The following EPYC variants were observed in gnomAD, a reference collection of about 807,000 sequenced individuals.
The protein encoded by EPYC is dermatan sulfate proteoglycan 3.
EPYC carries 28 observed loss-of-function variants against 30.1 expected under a neutral mutation model. The observed-to-expected ratio is 0.93, with a 90% confidence interval of 0.69 to 1.28. The LOEUF (loss-of-function observed/expected upper bound fraction) is 1.28, where lower values mean the gene tolerates loss of function less well. Ranked by LOEUF, EPYC falls within the 50% of genes most tolerant of loss-of-function variation. EPYC has a pLI of 0.00. For missense variants in EPYC, 382 were observed against 383.5 expected, an observed-to-expected ratio of 1.00 and a Z score of 0.03; for synonymous variants, 144 against 141.4, an observed-to-expected ratio of 1.02 and a Z score of -0.13.
In EPYC at chr12:90,971,793, A is replaced by C. The variant is rs368409503; in HGVS notation, c.702+7T>G. On this transcript the variant is annotated splice_region_variant and intron_variant, in intron 5 of 6. Coordinates refer to ENST00000261172, the MANE Select transcript of EPYC (RefSeq NM_004950.5). ...ATAAAAGTCTGCATATCAAACTTAA[A>C]ACTTACTTTAAATGCTTCTTGCTTT... The C allele has an allele frequency of 6.4e-7, 1 of 1,555,538 alleles. No individual in the cohort carries two copies. The highest frequency in any genetic ancestry group is 8.7e-7 in the Non-Finnish European group (1 of 1,151,676).
intron 2 of EPYC, among the ~76,000 whole-genome samples, chr12:90,998,662 A>C (rs1242347482): frequency 3.9e-5 from 6 of 152,286 alleles, no homozygotes; most frequent in African/African-American, 1.2e-4. Context: ...ACAGTGGAAT[A>C]ATTCAAATTT....
intron 2 of EPYC, among the ~76,000 whole-genome samples, chr12:91,001,659 T>A (rs1877825081): frequency 6.6e-6 from 1 of 152,158 alleles, no homozygotes; most frequent in African/African-American, 2.4e-5. Context: ...ACTGTTGAGC[T>A]ACAGTGGAGT....
intron 1 of EPYC, among the ~76,000 whole-genome samples, chr12:91,002,927 G>A (rs189227128): frequency 6.6e-6 from 1 of 151,960 alleles, no homozygotes; most frequent in Admixed American, 6.6e-5. Flanking sequence ...TCAACTCTGG[G>A]ATATGAAGTT....
chr12:90,997,359 A>G (rs952255886), intron 2 of EPYC, among the ~76,000 whole-genome samples: 6 of 151,840 alleles, frequency 4.0e-5, no homozygotes, highest in African/African-American at 1.2e-4. Flanking sequence ...ATTTTACTGG[A>G]TGAGTGGATG....
At chr12:90,999,607 C>A (rs534796585) in intron 2 of EPYC, among the ~76,000 whole-genome samples, 6 of 152,050 alleles carry the variant, frequency 3.9e-5, no homozygotes, top group African/African-American at 1.4e-4. Context: ...CAGAATGTTT[C>A]ATATGAAATC....
At chr12:90,987,528 G>A (rs986146010) in intron 2 of EPYC, among the ~76,000 whole-genome samples, 4 of 152,260 alleles carry the variant, frequency 2.6e-5, no homozygotes, top group East Asian at 3.9e-4. Context: ...AAGCAGGTAT[G>A]AAAATACATT....
At chr12:90,981,321 G>A (rs1239404648) in intron 2 of EPYC, among the ~76,000 whole-genome samples, 1 of 152,096 alleles carries the variant, frequency 6.6e-6, no homozygotes, top group Non-Finnish European at 1.5e-5. Context: ...ACCCTGAAGT[G>A]TCTCAGACTA....
At chr12:90,967,409 A>T (rs953692984) in intron 6 of EPYC, among the ~76,000 whole-genome samples, 2 of 151,940 alleles carry the variant, frequency 1.3e-5, no homozygotes, top group Non-Finnish European at 2.9e-5. Context: ...TGAATTTCTT[A>T]AATTTTATTT....
intron 2 of EPYC, among the ~76,000 whole-genome samples, chr12:91,001,806 T>G (rs956566633): frequency 6.6e-6 from 1 of 152,134 alleles, no homozygotes; most frequent in African/African-American, 2.4e-5. Context: ...ATTGACTTTT[T>G]CTAATTTTCT....
chr12:90,985,783 A>G (rs967371561), intron 2 of EPYC, among the ~76,000 whole-genome samples: 4 of 152,204 alleles, frequency 2.6e-5, no homozygotes, highest in African/African-American at 9.6e-5. Flanking sequence ...AGATGATCCA[A>G]TGACAGGACT....
At chr12:90,969,132 C>G (rs987710947) in intron 6 of EPYC, among the ~76,000 whole-genome samples, 2 of 151,690 alleles carry the variant, frequency 1.3e-5, no homozygotes, top group Middle Eastern at 6.8e-3. Context: ...GGTAAATATT[C>G]ACAAAATCCA....
rs1431894412 is a variant in EPYC, at chr12:90,991,575, A to C, written c.165+10826T>G. On this transcript the variant is annotated intron_variant, in intron 2 of 6. Transcript: ENST00000261172. The stretch of plus-strand genomic sequence containing the variant: ...GAAGGTGTGGAACAGAAAGAAAATA[A>C]AAAATAACTTAAAAAGAAAGTTCTT... 2.0e-5 allele frequency among the ~76,000 whole-genome samples: 3 copies of C among 152,182 alleles called. No individual in the cohort carries two copies. In the East Asian group the frequency reaches 5.8e-4, roughly 29 times the overall value.
chr12:90,974,713 C>T (rs118168625), intron 3 of EPYC, among the ~76,000 whole-genome samples: 1 of 152,054 alleles, frequency 6.6e-6, no homozygotes, highest in Non-Finnish European at 1.5e-5. Context: ...GATTATTTGT[C>T]TGGAAACAGG....
intron 2 of EPYC, among the ~76,000 whole-genome samples, chr12:90,984,082 T>G (rs970059588): frequency 1.3e-5 from 2 of 152,142 alleles, no homozygotes; most frequent in African/African-American, 4.8e-5. Flanking sequence ...CCTCAGGGTA[T>G]GGCCCTCCAC....
intron 2 of EPYC, among the ~76,000 whole-genome samples, chr12:90,983,307 C>T (rs1423666914): frequency 6.6e-6 from 1 of 152,138 alleles, no homozygotes; most frequent in Non-Finnish European, 1.5e-5. Flanking sequence ...TCTAATATCA[C>T]CAAGCGGTGA....
intron 2 of EPYC, among the ~76,000 whole-genome samples, chr12:90,988,933 A>G (rs1227132075): frequency 6.6e-6 from 1 of 152,150 alleles, no homozygotes; most frequent in African/African-American, 2.4e-5. Context: ...CCAACTTAGA[A>G]AAAGTAAACA....
chr12:90,971,706 A>ATAAG (rs1179506520), intron 5 of EPYC, 94 bp downstream of exon 5: 4 of 426,088 alleles, frequency 9.4e-6, no homozygotes, highest in Admixed American at 9.4e-5. Context: ...AAATAAATAA[A>ATAAG]TAAATTTATT....
intron 1 of EPYC, among the ~76,000 whole-genome samples, chr12:91,004,068 A>G (rs990280068): frequency 2.6e-5 from 4 of 152,108 alleles, no homozygotes; most frequent in Non-Finnish European, 4.4e-5. Flanking sequence ...AATTACCAAC[A>G]AAGTCCTACT....
intron 2 of EPYC, among the ~76,000 whole-genome samples, chr12:90,981,306 A>T (rs1027880470): frequency 1.3e-5 from 2 of 152,160 alleles, no homozygotes; most frequent in African/African-American, 4.8e-5. Context: ...AAAGCGGTTG[A>T]AGTGACCCTG....
Sources: gnomAD v4.1 joint callset for allele counts (sites outside exome capture counted in the v4.1 genomes callset) on GRCh38, gnomAD v4.1.1 for gene constraint, MANE v1.5 for transcripts, NCBI Gene and HGNC (gene_info 2026-07-23, HGNC 2026-07-21) for gene names.